The following BBX variants were observed in gnomAD, a reference collection of about 807,000 sequenced individuals.
The protein encoded by BBX is HMG box transcription factor BBX.
Under a neutral mutation model 100.2 loss-of-function variants are expected in BBX, and 30 were observed. The observed-to-expected ratio is 0.30, with a 90% CI of 0.22 to 0.41. BBX has a LOEUF of 0.41. BBX is among the 10% of genes least tolerant of loss of function. The probability of loss-of-function intolerance (pLI) is 1.00; values close to 1 mark genes in which losing one functional copy is unlikely to be tolerated. For synonymous variants in BBX, 376 were observed against 388.1 expected, an observed-to-expected ratio of 0.97 and a Z score of 0.37; for missense variants, 1,023 against 1,129.8, an observed-to-expected ratio of 0.91 and a Z score of 1.35.
chr3:107,773,729 T>C lies in BBX; in HGVS notation c.1915+93T>C. The stretch of plus-strand genomic sequence containing the variant: ...AAAACAACTGCCATAAAAAACAATA[T>C]GGTATCAAAATAATACCTTACATTT... On this transcript the variant is annotated intron_variant, in intron 11 of 17. Transcript: ENST00000325805. The surrounding 1 kb of genome is among the most constrained non-coding windows in gnomAD (Gnocchi z 4.1). 2 of 1,124,516 alleles carry C rather than the reference T, an allele frequency of 1.8e-6. No individual in the cohort carries two copies. Among genetic ancestry groups the C allele is most frequent in the Non-Finnish European group, 2.5e-6 (2 of 799,964 alleles). The allele number at this position is 1,124,516 out of a possible 1,614,324, so 69.7% of individuals were successfully genotyped here.
chr3:107,707,619 T>C (rs1331955488), intron 3 of BBX, among the ~76,000 whole-genome samples: 1 of 152,206 alleles, frequency 6.6e-6, no homozygotes, highest in Non-Finnish European at 1.5e-5. Flanking sequence ...AATGTATTTC[T>C]GGGTGAGAAA....
chr3:107,711,836 C>T (rs999953045), intron 4 of BBX, among the ~76,000 whole-genome samples: 1 of 152,128 alleles, frequency 6.6e-6, no homozygotes, highest in African/African-American at 2.4e-5. Flanking sequence ...TGTTTCTCTT[C>T]CTTCTTTCCT....
chr3:107,532,795 A>G (rs1370293846), intron 2 of BBX, among the ~76,000 whole-genome samples: 1 of 152,148 alleles, frequency 6.6e-6, no homozygotes, highest in Admixed American at 6.5e-5. Flanking sequence ...GCATTTCCTA[A>G]TTTTTAAGGT....
At chr3:107,677,818 A>G (rs543752865) in intron 3 of BBX, among the ~76,000 whole-genome samples, 2 of 152,282 alleles carry the variant, frequency 1.3e-5, no homozygotes, top group African/African-American at 2.4e-5. Context: ...AAATTTACCA[A>G]TGATTTGGTT....
At chr3:107,585,509 G>T (rs573103761) in intron 2 of BBX, among the ~76,000 whole-genome samples, 27 of 152,242 alleles carry the variant, frequency 1.8e-4, no homozygotes, top group African/African-American at 6.5e-4. Flanking sequence ...CAATTAAAAA[G>T]TCTTTAAATT....
chr3:107,614,806 T>G (rs2055130540), intron 2 of BBX, among the ~76,000 whole-genome samples: 1 of 152,174 alleles, frequency 6.6e-6, no homozygotes, highest in African/African-American at 2.4e-5. Context: ...TGACTGTATA[T>G]TAGGTAGATT....
At chr3:107,561,514 A>G (rs1381048544) in intron 2 of BBX, among the ~76,000 whole-genome samples, 1 of 152,116 alleles carries the variant, frequency 6.6e-6, no homozygotes, top group East Asian at 1.9e-4. Context: ...GAGATACATT[A>G]TGGTGTATTC....
At chr3:107,639,577 G>A (rs777791159) in intron 2 of BBX, among the ~76,000 whole-genome samples, 13 of 152,078 alleles carry the variant, frequency 8.5e-5, no homozygotes, top group African/African-American at 2.7e-4. Context: ...TTAAATGTGC[G>A]ATATCCCATA....
chr3:107,649,091 G>A (rs1434841163), intron 3 of BBX, among the ~76,000 whole-genome samples: 2 of 152,230 alleles, frequency 1.3e-5, no homozygotes, highest in African/African-American at 4.8e-5. Context: ...CGTGGCAGCA[G>A]GCAGGAGAGC....
intron 10 of BBX, among the ~76,000 whole-genome samples, chr3:107,767,180 TCCCATA>T (rs1158915247): frequency 1.3e-5 from 2 of 152,172 alleles, no homozygotes; most frequent in African/African-American, 2.4e-5. Flanking sequence ...TGCATATGTA[TCCCATA>T]ACTTAAAGTA....
intron 3 of BBX, among the ~76,000 whole-genome samples, chr3:107,658,779 G>A (rs1233959043): frequency 6.6e-6 from 1 of 152,050 alleles, no homozygotes; most frequent in Non-Finnish European, 1.5e-5. Flanking sequence ...AAATGTAGGT[G>A]TCATTATTCC....
chr3:107,788,161 G>T (rs1425624191), intron 13 of BBX, among the ~76,000 whole-genome samples: 1 of 152,026 alleles, frequency 6.6e-6, no homozygotes, highest in Non-Finnish European at 1.5e-5. Flanking sequence ...GACAGTAGAG[G>T]TAATCACCAG....
chr3:107,549,007 G>C (rs1027721779), intron 2 of BBX, among the ~76,000 whole-genome samples: 3 of 152,156 alleles, frequency 2.0e-5, no homozygotes, highest in African/African-American at 7.2e-5. Flanking sequence ...AAGGGAAGGA[G>C]GGGAGCATGG....
intron 2 of BBX, among the ~76,000 whole-genome samples, chr3:107,572,238 C>T (rs536122720): frequency 6.6e-6 from 1 of 152,326 alleles, no homozygotes; most frequent in African/African-American, 2.4e-5. Flanking sequence ...CTTTTCCCGT[C>T]TGCTATATTC....
chr3:107,548,998 A>G (rs1218236520), intron 2 of BBX, among the ~76,000 whole-genome samples: 1 of 152,170 alleles, frequency 6.6e-6, no homozygotes, highest in Admixed American at 6.5e-5. Context: ...TAGATGGGGA[A>G]GGGAAGGAGG....
rs745673837 is a variant in BBX at position 107,710,566 on chromosome 3, C to A, written c.106C>A (p.Leu36Ile). ...GTGGCATCCATTGCTAGCAAAGAAA[C>A]TTCTTGATTTTTCAGAAGAGGAAGA... is the stretch of plus-strand genomic sequence containing the variant. ...LQWHPLLAKK[L>I]LDFSEEEEEE... Residue 36 changes from leucine to isoleucine, a missense_variant, in exon 4 of 18, where the codon CTT becomes ATT. Leu to Ile is a conservative substitution (Grantham distance 5). This residue lies in a region of BBX where 229 missense variants were observed against 226.3 expected (regional missense o/e 1.01). Coordinates refer to ENST00000325805, the MANE Select transcript of BBX (RefSeq NM_001142568.3). The A allele has an allele frequency of 4.3e-5, 69 of 1,613,562 alleles. No homozygotes were observed. The highest frequency in any genetic ancestry group is 5.8e-5 in the Non-Finnish European group (68 of 1,179,804).
At chr3:107,545,046 G>C (rs2049132335) in intron 2 of BBX, among the ~76,000 whole-genome samples, 1 of 151,828 alleles carries the variant, frequency 6.6e-6, no homozygotes, top group Admixed American at 6.6e-5. Flanking sequence ...AAAAGTAATA[G>C]AAATTAAGAG....
Position 107,716,780 on chromosome 3 carries a change from G to T in BBX, c.336G>T (p.Lys112Asn), listed in dbSNP as rs141444090. ...HPRLDNRGAT[K>N]ILADWWAVLD... Reference sequence around the variant, plus strand: ...GGCTTGATAACCGAGGTGCTACCAAGATACTAGCTGATTGGTGGGCTGTTC... The same window carrying T: ...GGCTTGATAACCGAGGTGCTACCAATATACTAGCTGATTGGTGGGCTGTTC... The change falls in exon 5 of 18, where the codon AAG (lysine) becomes AAT (asparagine). Residue 112 changes from lysine to asparagine, a missense_variant. Coordinates refer to ENST00000325805, the MANE Select transcript of BBX (RefSeq NM_001142568.3). 6.2e-7 allele frequency: 1 copy of T among 1,613,610 alleles called. No individual in the cohort carries two copies. The highest frequency in any genetic ancestry group is 8.5e-7 in the Non-Finnish European group (1 of 1,179,720).
chr3:107,805,567 C>A lies in BBX; in HGVS notation c.*110C>A. Reference sequence around the variant, plus strand: ...GGAAAATATAGACTGCAAACAAGTGCTTGTTGCCCCACACGGCCCAGATTC... The same window carrying A: ...GGAAAATATAGACTGCAAACAAGTGATTGTTGCCCCACACGGCCCAGATTC... On this transcript the variant is annotated 3_prime_UTR_variant, in exon 18 of 18. Transcript: ENST00000325805. 6.3e-7 allele frequency: 1 copy of A among 1,578,104 alleles called. No homozygotes were observed. The highest frequency in any genetic ancestry group is 8.6e-7 in the Non-Finnish European group (1 of 1,157,730).
Sources: gnomAD v4.1 joint callset for allele counts (sites outside exome capture counted in the v4.1 genomes callset) on GRCh38, gnomAD v4.1.1 for gene constraint, gnomAD v4.1.1 regional missense constraint, Gnocchi (gnomAD v3.1) non-coding constraint, MANE v1.5 for transcripts, NCBI Gene and HGNC (gene_info 2026-07-23, HGNC 2026-07-21) for gene names.